Variants in VTI1A observed in about 807,000 individuals in gnomAD.
VTI1A encodes the protein vesicle transport through interaction with t-SNAREs homolog 1A.
In VTI1A, 22 loss-of-function variants were observed where a neutral mutation model predicts 34.9. The observed-to-expected ratio is 0.63, with a 90% CI of 0.45 to 0.90. The LOEUF is 0.90. VTI1A is among the 40% of genes least tolerant of loss of function. VTI1A has a pLI of 0.00. For synonymous variants in VTI1A, 87 were observed against 97.3 expected (o/e 0.89, Z 0.62); for missense variants, 268 against 275.6 (o/e 0.97, Z 0.20).
chr10:112,586,142 T>A (rs1234707718), intron 5 of VTI1A, among the ~76,000 whole-genome samples: 2 of 151,236 alleles, frequency 1.3e-5, no homozygotes, highest in Non-Finnish European at 3.0e-5. Context: ...TTTTTTTTTT[T>A]CCTTCTAAAT....
chr10:112,665,878 GT>G (rs1564873954), intron 5 of VTI1A, among the ~76,000 whole-genome samples: 2 of 152,010 alleles, frequency 1.3e-5, no homozygotes, highest in African/African-American at 4.8e-5. Context: ...TAGTAATAAC[GT>G]ATTTCCTCTT....
chr10:112,808,854 G>A (rs1180451808), intron 7 of VTI1A, among the ~76,000 whole-genome samples: 1 of 152,120 alleles, frequency 6.6e-6, no homozygotes, highest in Non-Finnish European at 1.5e-5. Context: ...GCCTCGTCCG[G>A]TATGGTAGTA....
chr10:112,554,205 G>A (rs1851466218), intron 5 of VTI1A, among the ~76,000 whole-genome samples: 2 of 152,164 alleles, frequency 1.3e-5, no homozygotes, highest in Admixed American at 6.6e-5. Flanking sequence ...TCTAAGTGGT[G>A]ACAATAGTTG....
intron 1 of VTI1A, among the ~76,000 whole-genome samples, chr10:112,458,970 AAAT>A (rs1847638699): frequency 6.6e-6 from 1 of 152,084 alleles, no homozygotes; most frequent in Admixed American, 6.5e-5. Flanking sequence ...CCGGCCAGTG[AAAT>A]AATAATTTCT....
chr10:112,594,839 A>G lies in VTI1A; in HGVS notation c.427+56509A>G, dbSNP rs1389875225. On this transcript the variant is annotated intron_variant, in intron 5 of 7. Transcript: ENST00000393077. Reference sequence around the variant, plus strand: ...AAAGTTCATATGGAACCAAAAAAGAACCCGCATCGCCAAGTCAATCCTAAG... The same window carrying G: ...AAAGTTCATATGGAACCAAAAAAGAGCCCGCATCGCCAAGTCAATCCTAAG... 1.4e-4 allele frequency among the ~76,000 whole-genome samples: 22 copies of G among 151,872 alleles called. No individual in the cohort carries two copies. In the East Asian group the frequency reaches 1.9e-3, roughly 13 times the overall value.
the VTI1A span, chr10:112,832,048 G>GA: frequency 9.2e-5 from 14 of 152,148 alleles, no homozygotes; most frequent in Non-Finnish European, 2.1e-4. Context: ...GAGGAGGAGA[G>GA]AAAAAGGATA....
chr10:112,808,807 G>C (rs924330351), intron 7 of VTI1A, among the ~76,000 whole-genome samples: 5 of 151,980 alleles, frequency 3.3e-5, no homozygotes, highest in Non-Finnish European at 1.5e-5. Flanking sequence ...TTTATCTCTC[G>C]GCTCTGCATT....
the VTI1A span, among the ~76,000 whole-genome samples, chr10:112,842,051 CTTTTTTTTTTTTTTTTT>C: frequency 1.2e-4 from 8 of 66,648 alleles, no homozygotes; most frequent in Non-Finnish European, 5.7e-5. Context: ...TTTTTTTTTC[CTTTTTTTTTTTTTTTTT>C]TTTTTTTTTT....
chr10:112,698,583 C>A (rs1285444897), intron 7 of VTI1A, among the ~76,000 whole-genome samples: 1 of 152,156 alleles, frequency 6.6e-6, no homozygotes, highest in Non-Finnish European at 1.5e-5. Flanking sequence ...ATAATTTAAG[C>A]CCCCAAATGA....
At chr10:112,763,619 T>G (rs1851553920) in intron 7 of VTI1A, among the ~76,000 whole-genome samples, 1 of 152,190 alleles carries the variant, frequency 6.6e-6, no homozygotes, top group African/African-American at 2.4e-5. Context: ...TATAATGGCC[T>G]GGTGGCATTT....
intron 5 of VTI1A, among the ~76,000 whole-genome samples, chr10:112,640,665 G>A (rs1157357540): frequency 6.6e-6 from 1 of 152,204 alleles, no homozygotes; most frequent in Non-Finnish European, 1.5e-5. Context: ...AAATGATATA[G>A]ACTTGTACCA....
intron 7 of VTI1A, among the ~76,000 whole-genome samples, chr10:112,678,143 A>G (rs1848094811): frequency 6.6e-6 from 1 of 152,184 alleles, no homozygotes. Context: ...TTTAATCACA[A>G]TGGAAACACA....
chr10:112,829,900 C>T, the VTI1A span, among the ~76,000 whole-genome samples: 307 of 152,274 alleles, frequency 2.0e-3, 1 homozygote, highest in Non-Finnish European at 3.5e-3. Flanking sequence ...GTTCTTTATT[C>T]AGTCTGTGCA....
chr10:112,544,424 T>G (rs1850994464), intron 5 of VTI1A, among the ~76,000 whole-genome samples: 1 of 152,110 alleles, frequency 6.6e-6, no homozygotes, highest in South Asian at 2.1e-4. Flanking sequence ...GAGACAGGGT[T>G]TCACCATGTT....
At chr10:112,473,323 G>C (rs1848164192) in intron 3 of VTI1A, among the ~76,000 whole-genome samples, 1 of 151,982 alleles carries the variant, frequency 6.6e-6, no homozygotes, top group African/African-American at 2.4e-5. Flanking sequence ...GGTTGGCCAG[G>C]ATGGTCTTGA....
chr10:112,448,518 A>C (rs7075980), intron 1 of VTI1A: 1 of 152,008 alleles, frequency 6.6e-6, no homozygotes, highest in Non-Finnish European at 1.5e-5. Flanking sequence ...TTTTGTAACT[A>C]TGGTTTGTAC....
rs750697767 is a variant in VTI1A, at chr10:112,496,259, G to C, written c.265-30828G>C. On this transcript the variant is annotated intron_variant, in intron 3 of 7. Coordinates refer to ENST00000393077, the MANE Select transcript of VTI1A (RefSeq NM_145206.4). The stretch of plus-strand genomic sequence containing the variant: ...CCTGACATGATCATTTCTAACCATA[G>C]TTGTTGAAGTATTTACATATGAAGG... Among the ~76,000 whole-genome samples, 11 of 134,326 alleles carry C rather than the reference G, an allele frequency of 8.2e-5. No homozygotes were observed. The Admixed American group carries it at 8.7e-4, about 11-fold the overall frequency. The allele number at this position is 134,326 out of a possible 152,430, so 88.1% of individuals were successfully genotyped here.
intron 5 of VTI1A, among the ~76,000 whole-genome samples, chr10:112,649,265 G>A (rs1325411086): frequency 6.6e-6 from 1 of 152,130 alleles, no homozygotes; most frequent in African/African-American, 2.4e-5. Context: ...CAGTTTCTAG[G>A]TTGCTGAGCT....
intron 5 of VTI1A, among the ~76,000 whole-genome samples, chr10:112,613,947 G>A (rs1845416747): frequency 6.6e-6 from 1 of 152,074 alleles, no homozygotes; most frequent in African/African-American, 2.4e-5. Context: ...CCATTTTTTT[G>A]TTCTTGCTGT....
Sources: gnomAD v4.1 joint callset for allele counts (sites outside exome capture counted in the v4.1 genomes callset) on GRCh38, gnomAD v4.1.1 for gene constraint, MANE v1.5 for transcripts, NCBI Gene and HGNC (gene_info 2026-07-23, HGNC 2026-07-21) for gene names.